NOP14: variants seen among roughly 807,000 people sequenced by gnomAD.
NOP14 encodes the protein NOP14 nucleolar protein.
In NOP14, 57 loss-of-function variants were observed where a neutral mutation model predicts 101.6. The observed-to-expected ratio is 0.56, with a 90% CI of 0.45 to 0.70. NOP14 has a LOEUF of 0.70. NOP14 is among the 30% of genes least tolerant of loss of function. NOP14 has a pLI of 0.00. For missense variants in NOP14, 1,134 were observed against 1,075.5 expected (o/e 1.05, Z -0.76); for synonymous variants, 428 against 424.0 (o/e 1.01, Z -0.12).
rs778766475 is a variant in NOP14, at chr4:2,963,300, A to T, written c.20T>A (p.Val7Asp). 3.8e-6 allele frequency: 6 copies of T among 1,590,206 alleles called. No homozygotes were observed. Among genetic ancestry groups the T allele is most frequent in the Non-Finnish European group, 5.1e-6 (6 of 1,171,558 alleles). Residue 7 changes from valine to aspartate, a missense_variant, in exon 1 of 18, where the codon GTC (valine) becomes GAC (aspartate). By Grantham distance (152) the Val-to-Asp change is radical. Transcript: ENST00000416614. ...CCCGGAGGCCTTCCTTCGCGCCCCG[A>T]CCTTCTTCGCCTTCGCCATGGCGCG... MAKAKK[V>D]GARRKASGAP...
intron 1 of NOP14, chr4:2,961,832 G>C (rs1255401680): frequency 6.6e-6 from 1 of 152,210 alleles, no homozygotes; most frequent in Admixed American, 6.5e-5. Context: ...TCTTCCAAGG[G>C]CCAAGCATTG....
At chr4:2,952,931 A>G (rs1715123088) in intron 5 of NOP14, among the ~76,000 whole-genome samples, 1 of 152,210 alleles carries the variant, frequency 6.6e-6, no homozygotes, top group Non-Finnish European at 1.5e-5. Flanking sequence ...ACAGAGCGAG[A>G]CTCCGTCTCA....
At chr4:2,959,729 C>T (rs570095968) in intron 1 of NOP14, among the ~76,000 whole-genome samples, 4 of 152,204 alleles carry the variant, frequency 2.6e-5, no homozygotes, top group Admixed American at 6.5e-5. Flanking sequence ...GCTTCTGTTA[C>T]GAGCCATTCC....
At chr4:2,946,281 C>G in intron 11 of NOP14, 131 bp downstream of exon 11, 2 of 1,022,420 alleles carry the variant, frequency 2.0e-6, no homozygotes, top group Admixed American at 2.1e-5. Context: ...ACCCTCGCTG[C>G]CGTGCAGCTC....
At chr4:2,943,092 C>G (rs1169587237) in intron 13 of NOP14, among the ~76,000 whole-genome samples, 1 of 152,250 alleles carries the variant, frequency 6.6e-6, no homozygotes, top group Admixed American at 6.5e-5. Context: ...ACAGGTGGCT[C>G]TCCCGGAGGC....
rs576376816 is a variant in NOP14 at position 2,939,552 on chromosome 4, G to T, written c.2293C>A (p.Leu765Ile). Reference protein sequence around the residue: ...CEKSKPVPLKLFTPRLVKVLE... With the variant: ...CEKSKPVPLKIFTPRLVKVLE... ...ACTTTGACCAGCCGGGGTGTGAAAA[G>T]CTTCAGTGGGACAGGCTTGCTCTTC... The change falls in exon 16 of 18, where the codon CTT (leucine) becomes ATT (isoleucine). Residue 765 changes from leucine to isoleucine, a missense_variant. Physicochemically the swap from Leu to Ile is conservative, Grantham distance 5. Coordinates refer to ENST00000416614, the MANE Select transcript of NOP14 (RefSeq NM_001291978.2). The T allele has an allele frequency of 1.9e-6, 3 of 1,613,956 alleles. No individual in the cohort carries two copies. In the Admixed American group the frequency reaches 5.0e-5, roughly 27 times the overall value.
At chr4:2,941,866 G>C (rs1714224427) in intron 14 of NOP14, 137 bp from the exon 15 acceptor site, 1 of 1,045,704 alleles carries the variant, frequency 9.6e-7, no homozygotes, top group East Asian at 2.6e-5. Context: ...GGCCAGGGTT[G>C]GGCCCATGCA....
In NOP14 at chr4:2,953,528, TGTC is replaced by T. The variant is rs778357786; in HGVS notation, c.727_729del (p.Asp243del). 14 of 1,614,216 alleles carry T rather than the reference TGTC, an allele frequency of 8.7e-6. No homozygotes were observed. The East Asian group carries it at 2.9e-4, about 33-fold the overall frequency. On this transcript the variant is annotated inframe_deletion, in exon 5 of 18. Coordinates refer to ENST00000416614, the MANE Select transcript of NOP14 (RefSeq NM_001291978.2). ...GCTCCCACCTTGGGTTTTTCCTTTT[TGTC>T]TCTGTTCTCTGACTTGGGAGTTTTG...
At chr4:2,958,998 A>C (rs1418061339) in intron 1 of NOP14, among the ~76,000 whole-genome samples, 1 of 152,300 alleles carries the variant, frequency 6.6e-6, no homozygotes, top group East Asian at 1.9e-4. Flanking sequence ...CCATCTGGAG[A>C]GGTCAACCGA....
chr4:2,951,899 G>A (rs1251196102), intron 6 of NOP14, among the ~76,000 whole-genome samples: 1 of 152,220 alleles, frequency 6.6e-6, no homozygotes, highest in Non-Finnish European at 1.5e-5. Context: ...CCTGAGGTCA[G>A]GAGTTCAAGA....
At chr4:2,952,534 C>T (rs1485018149) in intron 5 of NOP14, 137 bp from the exon 6 acceptor site, 1 of 737,442 alleles carries the variant, frequency 1.4e-6, no homozygotes, top group Non-Finnish European at 2.0e-6. Flanking sequence ...ACATCTACGT[C>T]TTTTCTTCTA....
In NOP14 at chr4:2,956,647, C is replaced by T. The variant is rs1244259430; in HGVS notation, c.472+23G>A. 1.7e-5 allele frequency: 28 copies of T among 1,603,680 alleles called. No homozygotes were observed. In the Admixed American group the frequency reaches 1.7e-4, roughly 10 times the overall value. On this transcript the variant is annotated intron_variant, in intron 3 of 17. Coordinates refer to ENST00000416614, the MANE Select transcript of NOP14 (RefSeq NM_001291978.2). The stretch of plus-strand genomic sequence containing the variant: ...CTCCCTGACTCCACGCCCACAGGCC[C>T]GTGCACAGCACCCCAGCCTCACCAG...
In NOP14 at chr4:2,938,619, C is replaced by CT; in HGVS notation, c.*211dup. 1.8e-6 allele frequency: 1 copy of CT among 560,186 alleles called. No homozygotes were observed. The allele number at this position is 560,186 out of a possible 1,614,324, so 34.7% of individuals were successfully genotyped here. On this transcript the variant is annotated 3_prime_UTR_variant, in exon 18 of 18. Transcript: ENST00000416614. ...GGACTCAGCTCAAGCAGTCCTCCTGCTTCAGCCTCCCGAGTAGTTGGGACT... is the reference window on the plus strand; with the variant it reads ...GGACTCAGCTCAAGCAGTCCTCCTGCTTTCAGCCTCCCGAGTAGTTGGGACT...
Position 2,944,115 on chromosome 4 carries a change from G to A in NOP14, c.1849C>T (p.Leu617Phe). Reference sequence around the variant, plus strand: ...GGAGTTGCTATGTAAAGAATCCCAAGAAGAAAATTAATAAGCTCAGGTATA... The same window carrying A: ...GGAGTTGCTATGTAAAGAATCCCAAAAAGAAAATTAATAAGCTCAGGTATA... ...RFIPELINFL[L>F]GILYIATPNK... The change falls in exon 13 of 18, where the codon CTT (leucine) becomes TTT (phenylalanine). Residue 617 changes from leucine (L) to phenylalanine (F), a missense_variant. Coordinates refer to ENST00000416614, the MANE Select transcript of NOP14 (RefSeq NM_001291978.2). 6.2e-7 allele frequency: 1 copy of A among 1,613,474 alleles called. No individual in the cohort carries two copies. Among genetic ancestry groups the A allele is most frequent in the South Asian group, 1.1e-5 (1 of 90,842 alleles).
chr4:2,941,763 T>A, intron 14 of NOP14, 34 bp from the exon 15 acceptor site: 1 of 1,599,550 alleles, frequency 6.3e-7, no homozygotes, highest in Non-Finnish European at 8.5e-7. Context: ...AGGTCCAACT[T>A]GTTCTGTTTG....
At chr4:2,944,463 A>G (rs1327298861) in intron 12 of NOP14, among the ~76,000 whole-genome samples, 2 of 152,112 alleles carry the variant, frequency 1.3e-5, no homozygotes, top group Non-Finnish European at 2.9e-5. Context: ...CTGGAGTGCA[A>G]TGGCACAATC....
intron 11 of NOP14, 146 bp from the exon 12 acceptor site, chr4:2,945,375 G>C (rs1001042502): frequency 3.6e-5 from 23 of 637,142 alleles, no homozygotes; most frequent in African/African-American, 1.3e-4. Flanking sequence ...CAGTGTCACA[G>C]AACAGGCGTC....
At chr4:2,959,924 C>A (rs1002858827) in intron 1 of NOP14, among the ~76,000 whole-genome samples, 1 of 151,694 alleles carries the variant, frequency 6.6e-6, no homozygotes, top group African/African-American at 2.4e-5. Flanking sequence ...CTGTACTGCT[C>A]GATGAACTCT....
At chr4:2,960,352 GCAGGCAT>G (rs1715646476) in intron 1 of NOP14, among the ~76,000 whole-genome samples, 1 of 151,944 alleles carries the variant, frequency 6.6e-6, no homozygotes, top group Non-Finnish European at 1.5e-5. Context: ...GGTAGATGGG[GCAGGCAT>G]CAGCCATCTC....
Sources: allele counts gnomAD v4.1 joint callset (sites outside exome capture counted in the v4.1 genomes callset), GRCh38; gene constraint gnomAD v4.1.1; transcripts MANE v1.5; gene names NCBI Gene and HGNC (gene_info 2026-07-23, HGNC 2026-07-21).